CFAP61: variants seen among roughly 807,000 people sequenced by gnomAD.
CFAP61 encodes the protein cilia- and flagella-associated protein 61.
Under a neutral mutation model 135.6 loss-of-function variants are expected in CFAP61, and 107 were observed. That is an observed-to-expected ratio of 0.79 (90% CI 0.67 to 0.93). CFAP61 has a LOEUF of 0.93. Ranked by LOEUF, CFAP61 falls within the 40% of genes least tolerant of loss-of-function variation. The pLI is 0.00. For missense variants in CFAP61, 1,507 were observed against 1,556.2 expected, an observed-to-expected ratio of 0.97 and a Z score of 0.53; for synonymous variants, 575 against 578.5, an observed-to-expected ratio of 0.99 and a Z score of 0.09.
At chr20:20,090,214 C>A (rs1014817397) in intron 6 of CFAP61, among the ~76,000 whole-genome samples, 1 of 152,178 alleles carries the variant, frequency 6.6e-6, no homozygotes, top group African/African-American at 2.4e-5. Flanking sequence ...TGTTCCACTT[C>A]TAGGTTTCAA....
At chr20:20,184,130 T>A (rs2146858228) in intron 13 of CFAP61, among the ~76,000 whole-genome samples, 1 of 152,352 alleles carries the variant, frequency 6.6e-6, no homozygotes, top group South Asian at 2.1e-4. Flanking sequence ...GACCATGATA[T>A]GGTCTGAGCT....
chr20:20,108,284 G>A (rs1164898192), intron 8 of CFAP61, among the ~76,000 whole-genome samples: 1 of 152,038 alleles, frequency 6.6e-6, no homozygotes, highest in African/African-American at 2.4e-5. Flanking sequence ...TTCAACTATA[G>A]CAAATTTGAG....
At chr20:20,357,393 CTGAGGGGAGGTGGTCACAGTG>C (rs1569335063) in intron 26 of CFAP61, among the ~76,000 whole-genome samples, 17 of 35,186 alleles carry the variant, frequency 4.8e-4, no homozygotes, top group East Asian at 3.1e-3. Context: ...GGTGGTCACA[CTGAGGGGAGGTGGTCACAGTG>C]TGAGGGGAGG....
chr20:20,080,761 T>C (rs1322952539), intron 6 of CFAP61, among the ~76,000 whole-genome samples: 1 of 152,174 alleles, frequency 6.6e-6, no homozygotes, highest in Non-Finnish European at 1.5e-5. Context: ...CCCAGCACTT[T>C]GGGAGGCTGA....
At chr20:20,074,788 C>T (rs2045942889) in intron 4 of CFAP61, among the ~76,000 whole-genome samples, 2 of 152,200 alleles carry the variant, frequency 1.3e-5, no homozygotes, top group Admixed American at 1.3e-4. Flanking sequence ...GCTACCGAGT[C>T]ATGGCGATGT....
At chr20:20,211,513 A>G (rs765950112) in intron 17 of CFAP61, among the ~76,000 whole-genome samples, 79 of 151,674 alleles carry the variant, frequency 5.2e-4, no homozygotes, top group African/African-American at 1.7e-3. Context: ...AAAACAGGGG[A>G]AAAAAACAGA....
chr20:20,271,302 CA>C (rs1223930921), intron 21 of CFAP61, among the ~76,000 whole-genome samples: 2 of 152,046 alleles, frequency 1.3e-5, no homozygotes, highest in Non-Finnish European at 2.9e-5. Context: ...TAAAACAAAA[CA>C]AAAACAAAAA....
In CFAP61 at chr20:20,098,729, C is replaced by T; in HGVS notation, c.774C>T (p.Asp258=). 1 of 1,613,528 alleles carries T rather than the reference C, an allele frequency of 6.2e-7. No individual in the cohort carries two copies. The highest frequency in any genetic ancestry group is 8.5e-7 in the Non-Finnish European group (1 of 1,179,898). Residue 258 remains aspartate (D), a synonymous_variant, in exon 8 of 27, where the codon GAC becomes GAT. Coordinates refer to ENST00000245957, the MANE Select transcript of CFAP61 (RefSeq NM_015585.4). ...VNMQLLHECF[D]LGPFHGLCFP... is the part of the protein sequence containing the mutation. ...TGCAACTGCTGCATGAGTGCTTTGA[C>T]TTGGGCCCTTTCCACGGACTCTGTT...
At chr20:20,262,852 G>T in intron 20 of CFAP61, 104 bp from the exon 21 acceptor site, 1 of 514,742 alleles carries the variant, frequency 1.9e-6, no homozygotes, top group Non-Finnish European at 3.2e-6. Context: ...TCTCGGGACA[G>T]AAAAAGACAT....
intron 26 of CFAP61, among the ~76,000 whole-genome samples, chr20:20,351,613 A>G (rs1311990732): frequency 6.6e-6 from 1 of 152,080 alleles, no homozygotes; most frequent in African/African-American, 2.4e-5. Flanking sequence ...ACAATAAACT[A>G]TCTGAAAAAG....
chr20:20,288,971 C>G (rs2054801550), intron 23 of CFAP61, 35 bp downstream of exon 23: 16 of 1,553,952 alleles, frequency 1.0e-5, no homozygotes, highest in Non-Finnish European at 1.4e-5. Flanking sequence ...TTGATGAAGC[C>G]ACAGATTAGG....
At chr20:20,355,358 G>A (rs1254796735) in intron 26 of CFAP61, among the ~76,000 whole-genome samples, 2 of 124,120 alleles carry the variant, frequency 1.6e-5, no homozygotes, top group Non-Finnish European at 3.4e-5. Context: ...AGGGGAGGTG[G>A]TCACACTGAG....
chr20:20,156,147 C>T (rs1305638871), intron 9 of CFAP61, among the ~76,000 whole-genome samples: 1 of 151,944 alleles, frequency 6.6e-6, no homozygotes, highest in East Asian at 1.9e-4. Flanking sequence ...CAACTGTTCT[C>T]CCAAAAATAT....
intron 1 of CFAP61, among the ~76,000 whole-genome samples, chr20:20,054,009 GTTTGT>G (rs1237684493): frequency 9.0e-5 from 8 of 88,854 alleles, no homozygotes; most frequent in Non-Finnish European, 1.3e-4. Context: ...TGTTTTTTTT[GTTTGT>G]TTTTTTTTTT....
chr20:20,293,295 G>T (rs1016753494), intron 24 of CFAP61, among the ~76,000 whole-genome samples: 1 of 152,204 alleles, frequency 6.6e-6, no homozygotes, highest in Non-Finnish European at 1.5e-5. Flanking sequence ...TAATAAGAGT[G>T]CAACTTAAAT....
chr20:20,288,015 C>T (rs2054722056), intron 22 of CFAP61, among the ~76,000 whole-genome samples: 1 of 152,178 alleles, frequency 6.6e-6, no homozygotes, highest in East Asian at 1.9e-4. Context: ...ATCAGTATTT[C>T]TTGAATGACT....
At chr20:20,068,400 A>G (rs982392956) in intron 2 of CFAP61, among the ~76,000 whole-genome samples, 4 of 152,202 alleles carry the variant, frequency 2.6e-5, no homozygotes, top group Non-Finnish European at 5.9e-5. Context: ...TTAAGGGTTC[A>G]GTGAGAAGTT....
At chr20:20,287,342 A>G (rs1447312181) in intron 22 of CFAP61, among the ~76,000 whole-genome samples, 1 of 152,234 alleles carries the variant, frequency 6.6e-6, no homozygotes, top group Non-Finnish European at 1.5e-5. Context: ...CTGCTGTCCA[A>G]TAGAACCTTC....
At chr20:20,123,811 T>C (rs1378901558) in intron 8 of CFAP61, among the ~76,000 whole-genome samples, 2 of 151,708 alleles carry the variant, frequency 1.3e-5, no homozygotes, top group Non-Finnish European at 1.5e-5. Flanking sequence ...AATCTGTAGA[T>C]TGCTTTTGGC....
Sources: gnomAD v4.1 joint callset for allele counts (sites outside exome capture counted in the v4.1 genomes callset) on GRCh38, gnomAD v4.1.1 for gene constraint, MANE v1.5 for transcripts, NCBI Gene and HGNC (gene_info 2026-07-23, HGNC 2026-07-21) for gene names.